CPNE8: variants seen among roughly 807,000 people sequenced by gnomAD.
CPNE8 encodes copine-8.
In CPNE8, 45 loss-of-function variants were observed where a neutral mutation model predicts 81.5. The observed-to-expected ratio is 0.55, with a 90% CI of 0.44 to 0.71. The LOEUF (loss-of-function observed/expected upper bound fraction) is 0.71. CPNE8 is among the 30% of genes least tolerant of loss of function. CPNE8 has a pLI of 0.00. For missense variants in CPNE8, 594 were observed against 672.1 expected (o/e 0.88, Z 1.28); for synonymous variants, 252 against 226.3 (o/e 1.11, Z -1.02).
chr12:38,742,422 C>T (rs545552686), intron 10 of CPNE8, among the ~76,000 whole-genome samples: 2 of 151,334 alleles, frequency 1.3e-5, no homozygotes, highest in African/African-American at 2.4e-5. Flanking sequence ...AGCAAACTAT[C>T]GTAAGGACAA....
rs543782499 is a variant in CPNE8, at chr12:38,698,024, C to A, written c.962-4186G>T. 5.9e-5 allele frequency among the ~76,000 whole-genome samples: 9 copies of A among 152,306 alleles called. No homozygotes were observed. In the South Asian group the frequency reaches 1.9e-3, roughly 32 times the overall value. ...CAATGCAAATGAAACAACACAATCA[C>A]CAACAATGTTATGAGGATTCTGATT... is the stretch of plus-strand genomic sequence containing the variant. On this transcript the variant is annotated intron_variant, in intron 14 of 19. Transcript: ENST00000331366.
At chr12:38,790,568 A>G (rs2136927130) in intron 6 of CPNE8, among the ~76,000 whole-genome samples, 1 of 151,848 alleles carries the variant, frequency 6.6e-6, no homozygotes, top group Admixed American at 6.6e-5. Flanking sequence ...GTCAATAATA[A>G]TTTAATTGTA....
chr12:38,796,860 G>T (rs565313291), intron 6 of CPNE8, among the ~76,000 whole-genome samples: 19 of 152,166 alleles, frequency 1.2e-4, no homozygotes, highest in African/African-American at 4.6e-4. Flanking sequence ...GCGCTTTTCC[G>T]ACGGGCTTAA....
chr12:38,661,469 C>T (rs1022894251), intron 19 of CPNE8, among the ~76,000 whole-genome samples: 13 of 151,706 alleles, frequency 8.6e-5, no homozygotes, highest in Non-Finnish European at 1.6e-4. Flanking sequence ...GGGTGGGGGA[C>T]GTGGGGAGAG....
intron 16 of CPNE8, among the ~76,000 whole-genome samples, chr12:38,678,199 A>C (rs911945463): frequency 6.6e-6 from 1 of 152,028 alleles, no homozygotes; most frequent in African/African-American, 2.4e-5. Flanking sequence ...TTTTTGACAC[A>C]TCCACAGTCA....
At chr12:38,760,937 T>C (rs373779714) in intron 9 of CPNE8, 49 bp from the exon 10 acceptor site, 3 of 1,298,390 alleles carry the variant, frequency 2.3e-6, no homozygotes, top group Non-Finnish European at 3.2e-6. Context: ...AAGATCAAAA[T>C]AATGTATGGT....
chr12:38,857,812 C>G (rs549855755), intron 3 of CPNE8, among the ~76,000 whole-genome samples: 34 of 152,254 alleles, frequency 2.2e-4, no homozygotes, highest in Non-Finnish European at 2.5e-4. Flanking sequence ...AGGAGAATTG[C>G]TTGAACCCAG....
chr12:38,735,271 T>C (rs1940926794), intron 10 of CPNE8, among the ~76,000 whole-genome samples: 1 of 151,950 alleles, frequency 6.6e-6, no homozygotes. Flanking sequence ...AAAGACCCCT[T>C]GGACTGAAAT....
chr12:38,702,663 G>A (rs1939975502), intron 14 of CPNE8, among the ~76,000 whole-genome samples: 1 of 151,954 alleles, frequency 6.6e-6, no homozygotes, highest in Non-Finnish European at 1.5e-5. Context: ...AAATCTGAAT[G>A]AGACTATTAG....
chr12:38,795,055 T>C (rs933002850), intron 6 of CPNE8, among the ~76,000 whole-genome samples: 21 of 152,326 alleles, frequency 1.4e-4, no homozygotes, highest in Admixed American at 1.2e-3. Flanking sequence ...TCTTCAGCTT[T>C]TGGAATCTTG....
chr12:38,798,057 C>A (rs1241402038), intron 6 of CPNE8, among the ~76,000 whole-genome samples: 10 of 152,132 alleles, frequency 6.6e-5, no homozygotes, highest in Non-Finnish European at 1.0e-4. Context: ...TGTGAAAAGA[C>A]CAAATCTACG....
chr12:38,657,353 G>C (rs1404134752), intron 19 of CPNE8, among the ~76,000 whole-genome samples: 1 of 152,178 alleles, frequency 6.6e-6, no homozygotes, highest in Non-Finnish European at 1.5e-5. Context: ...TGAGGCTTGA[G>C]TAGGTAAACA....
rs1942232426 is a variant in CPNE8 at position 38,787,919 on chromosome 12, C to T, written c.408-11618G>A. On this transcript the variant is annotated intron_variant, in intron 6 of 19. Coordinates refer to ENST00000331366, the MANE Select transcript of CPNE8 (RefSeq NM_153634.3). The stretch of plus-strand genomic sequence containing the variant: ...GAAGAAATCCAAAACCTGAACAGAA[C>T]AATAACAAGTAAGGAAAGTAAGGAG... Among the ~76,000 whole-genome samples the T allele has an allele frequency of 2.3e-5, 2 of 87,254 alleles. 1 individual carries two copies. Among genetic ancestry groups the T allele is most frequent in the Admixed American group, 3.0e-4 (2 of 6,616 alleles). 57.2% of individuals were successfully genotyped at this position (87,254 alleles called of 152,430 possible).
Position 38,905,481 on chromosome 12 carries a change from G to T in CPNE8, c.54C>A (p.Ser18Arg). 1.3e-6 allele frequency: 2 copies of T among 1,576,356 alleles called. No homozygotes were observed. Among genetic ancestry groups the T allele is most frequent in the Non-Finnish European group, 1.7e-6 (2 of 1,160,958 alleles). ...TAGIGDLNQL[S>R]AAIPATRVEV... ...CCACCCGCGTGGCCGGGATGGCAGC[G>T]CTCAGCTGGTTCAAGTCCCCGATGC... The change falls in exon 1 of 20, where the codon AGC becomes AGA. Residue 18 changes from serine (S) to arginine (R), a missense_variant. By Grantham distance (110) the Ser-to-Arg change is moderately radical. Coordinates refer to ENST00000331366, the MANE Select transcript of CPNE8 (RefSeq NM_153634.3).
intron 6 of CPNE8, among the ~76,000 whole-genome samples, chr12:38,818,835 T>C (rs1272440421): frequency 6.6e-6 from 1 of 152,252 alleles, no homozygotes; most frequent in Non-Finnish European, 1.5e-5. Context: ...CTAACTGGCA[T>C]GAGATGGTAT....
intron 6 of CPNE8, among the ~76,000 whole-genome samples, chr12:38,796,976 C>T (rs954608236): frequency 1.4e-4 from 21 of 152,110 alleles, no homozygotes; most frequent in Admixed American, 5.9e-4. Flanking sequence ...AACTGCAAGG[C>T]GGCAGCAAGG....
chr12:38,757,998 C>A (rs1223552732), intron 10 of CPNE8, among the ~76,000 whole-genome samples: 1 of 152,058 alleles, frequency 6.6e-6, no homozygotes, highest in Non-Finnish European at 1.5e-5. Context: ...TCCCCCCAAG[C>A]AGTTGATGAC....
chr12:38,757,399 C>T lies in CPNE8; in HGVS notation c.722+3448G>A, dbSNP rs1051593627. Among the ~76,000 whole-genome samples, 10 of 151,748 alleles carry T rather than the reference C, an allele frequency of 6.6e-5. No homozygotes were observed. In the East Asian group the frequency reaches 1.9e-3, roughly 29 times the overall value. ...AAAGTGTAATAACCATCTTATTAGA[C>T]CACACATAATCATAAGCTTCATATC... On this transcript the variant is annotated intron_variant, in intron 10 of 19. Transcript: ENST00000331366.
At position 38,748,023 on chromosome 12, in the gene CPNE8, TTTTA is replaced by T. The variant is rs537002646; in HGVS notation, c.722+12820_722+12823del. 3.5e-3 allele frequency among the ~76,000 whole-genome samples: 540 copies of T among 152,234 alleles called. 1 individual carries two copies. The highest frequency in any genetic ancestry group is 0.034 in the Middle Eastern group (10 of 294). On this transcript the variant is annotated intron_variant, in intron 10 of 19. Transcript: ENST00000331366. The stretch of plus-strand genomic sequence containing the variant: ...TTGTAATTATTTATTTATTTATTTT[TTTTA>T]TTTGAGACAGTCTCACTCTGTCGCT...
Sources: allele counts gnomAD v4.1 joint callset (sites outside exome capture counted in the v4.1 genomes callset), GRCh38; gene constraint gnomAD v4.1.1; transcripts MANE v1.5; gene names NCBI Gene and HGNC (gene_info 2026-07-23, HGNC 2026-07-21).